The following PLEKHG1 variants were observed in gnomAD, a reference collection of about 807,000 sequenced individuals.
PLEKHG1 encodes pleckstrin homology and RhoGEF domain containing G1, also known as pleckstrin homology domain-containing family G member 1.
PLEKHG1 carries 44 observed loss-of-function variants against 100.8 expected under a neutral mutation model. The observed-to-expected ratio is 0.44, with a 90% confidence interval of 0.34 to 0.56. The LOEUF (loss-of-function observed/expected upper bound fraction) is 0.56. Ranked by LOEUF, PLEKHG1 falls within the 20% of genes least tolerant of loss-of-function variation. PLEKHG1 has a pLI of 0.01. For synonymous variants in PLEKHG1, 640 were observed against 662.5 expected, an observed-to-expected ratio of 0.97 and a Z score of 0.52; for missense variants, 1,545 against 1,720.9, an observed-to-expected ratio of 0.90 and a Z score of 1.81.
intron 3 of PLEKHG1, among the ~76,000 whole-genome samples, chr6:150,703,184 T>TA (rs1780869214): frequency 9.7e-6 from 1 of 103,180 alleles, no homozygotes; most frequent in South Asian, 2.7e-4. Context: ...CCCACTTCTC[T>TA]CCTTCCTAAC....
intron 2 of PLEKHG1, among the ~76,000 whole-genome samples, chr6:150,764,580 G>T (rs534921481): frequency 6.6e-6 from 1 of 152,300 alleles, no homozygotes; most frequent in Non-Finnish European, 1.5e-5. Flanking sequence ...GTGTTTAGGC[G>T]CACGCCCTGC....
chr6:150,710,438 A>G (rs1275941073), intron 3 of PLEKHG1, among the ~76,000 whole-genome samples: 1 of 152,084 alleles, frequency 6.6e-6, no homozygotes, highest in Non-Finnish European at 1.5e-5. Flanking sequence ...CTATAACCAC[A>G]CCTTTTAAGG....
chr6:150,809,795 G>A, intron 10 of PLEKHG1, 61 bp downstream of exon 11: 1 of 1,258,538 alleles, frequency 7.9e-7, no homozygotes, highest in Non-Finnish European at 1.1e-6. Flanking sequence ...TTTGAACCTG[G>A]GAGGTGGAGG....
chr6:150,687,442 C>T (rs571689018), intron 3 of PLEKHG1, among the ~76,000 whole-genome samples: 84 of 152,166 alleles, frequency 5.5e-4, no homozygotes, highest in South Asian at 3.3e-3. Flanking sequence ...TTGTTACTAT[C>T]GTTTTGAGGC....
At chr6:150,613,277 AT>A (rs1438025689) in intron 1 of PLEKHG1, among the ~76,000 whole-genome samples, 1 of 152,220 alleles carries the variant, frequency 6.6e-6, no homozygotes, top group African/African-American at 2.4e-5. Flanking sequence ...ACCATACTTT[AT>A]AACATGCAAA....
At chr6:150,791,676 GAAAA>G (rs34212457) in intron 4 of PLEKHG1, among the ~76,000 whole-genome samples, 21 of 103,832 alleles carry the variant, frequency 2.0e-4, no homozygotes, top group African/African-American at 7.2e-4. Flanking sequence ...TCTCAAAAAA[GAAAA>G]AAAAAAAAAA....
chr6:150,815,297 T>C (rs999512160), intron 10 of PLEKHG1, among the ~76,000 whole-genome samples: 7 of 152,178 alleles, frequency 4.6e-5, no homozygotes, highest in Admixed American at 1.3e-4. Flanking sequence ...TTCTTTTAAT[T>C]CAATGATGGT....
chr6:150,684,551 T>A (rs1780050389), intron 3 of PLEKHG1, among the ~76,000 whole-genome samples: 1 of 152,184 alleles, frequency 6.6e-6, no homozygotes, highest in Non-Finnish European at 1.5e-5. Context: ...GGCAGTTTGC[T>A]GTGCTTCCGA....
chr6:150,836,069 T>A (rs1448346315), intron 15 of PLEKHG1, among the ~76,000 whole-genome samples: 1 of 152,142 alleles, frequency 6.6e-6, no homozygotes, highest in African/African-American at 2.4e-5. Context: ...GCATCCCTTT[T>A]TAAAAGTAGG....
intron 8 of PLEKHG1, 29 bp downstream of exon 9, chr6:150,809,316 G>A: frequency 1.2e-6 from 2 of 1,611,570 alleles, no homozygotes; most frequent in African/African-American, 1.3e-5. Context: ...CATGGGCAGG[G>A]ACTCAGATCC....
intron 1 of PLEKHG1, chr6:150,605,734 C>T (rs1268874294): frequency 6.6e-6 from 1 of 152,042 alleles, no homozygotes; most frequent in Non-Finnish European, 1.5e-5. Flanking sequence ...TTTATCAGAT[C>T]TAAGATATCT....
chr6:150,693,377 T>C (rs1780419904), intron 3 of PLEKHG1, among the ~76,000 whole-genome samples: 1 of 152,216 alleles, frequency 6.6e-6, no homozygotes, highest in Non-Finnish European at 1.5e-5. Flanking sequence ...AACTTTTGGC[T>C]TCTCTCTCTG....
chr6:150,669,593 C>CTTT (rs1214928577), intron 3 of PLEKHG1, among the ~76,000 whole-genome samples: 10 of 127,608 alleles, frequency 7.8e-5, no homozygotes, highest in Non-Finnish European at 1.2e-4. Context: ...AAGAATTATT[C>CTTT]TTTTTTTTTT....
At chr6:150,834,928 G>T (rs370867785) in intron 15 of PLEKHG1, among the ~76,000 whole-genome samples, 6 of 152,146 alleles carry the variant, frequency 3.9e-5, no homozygotes, top group Admixed American at 1.3e-4. Flanking sequence ...TAGGCTTTCC[G>T]TCAGTTGACA....
chr6:150,752,420 CTG>C (rs1486394474), intron 2 of PLEKHG1, among the ~76,000 whole-genome samples: 1 of 152,134 alleles, frequency 6.6e-6, no homozygotes, highest in Non-Finnish European at 1.5e-5. Flanking sequence ...CACAGAAACT[CTG>C]TACCTGTTAA....
At chr6:150,802,368 G>A (rs1312290787) in intron 6 of PLEKHG1, among the ~76,000 whole-genome samples, 1 of 152,126 alleles carries the variant, frequency 6.6e-6, no homozygotes, top group African/African-American at 2.4e-5. Context: ...GCTGAATTCT[G>A]TTAATATAAT....
At chr6:150,746,309 A>G (rs1372666310) in intron 2 of PLEKHG1, among the ~76,000 whole-genome samples, 1 of 152,238 alleles carries the variant, frequency 6.6e-6, no homozygotes, top group Non-Finnish European at 1.5e-5. Flanking sequence ...GAACAAATTC[A>G]TGTTTTCAAA....
At chr6:150,736,111 T>A (rs1293856132) in intron 2 of PLEKHG1, among the ~76,000 whole-genome samples, 1 of 152,198 alleles carries the variant, frequency 6.6e-6, no homozygotes, top group Non-Finnish European at 1.5e-5. Flanking sequence ...TCACAACTGA[T>A]GAACTCTGCC....
At chr6:150,819,140 G>T (rs1383732287) in intron 11 of PLEKHG1, among the ~76,000 whole-genome samples, 3 of 150,158 alleles carry the variant, frequency 2.0e-5, no homozygotes, top group Non-Finnish European at 3.0e-5. Flanking sequence ...TTTTTGGCCG[G>T]GTGTGGTGGC....
Sources: gnomAD v4.1 joint callset for allele counts (sites outside exome capture counted in the v4.1 genomes callset) on GRCh38, gnomAD v4.1.1 for gene constraint, MANE v1.5 for transcripts, NCBI Gene and HGNC (gene_info 2026-07-23, HGNC 2026-07-21) for gene names.